Variants in AOAH observed in about 807,000 individuals in gnomAD.
The protein encoded by AOAH is acyloxyacyl hydrolase (neutrophil).
In AOAH, 64 loss-of-function variants were observed where a neutral mutation model predicts 92.2. The ratio of observed to expected loss-of-function variants is 0.69; its 90% CI spans 0.57 to 0.86. The LOEUF is 0.86. AOAH is among the 40% of genes least tolerant of loss of function. The pLI is 0.00. For synonymous variants in AOAH, 263 were observed against 254.5 expected (o/e 1.03, Z -0.32); for missense variants, 656 against 694.6 (o/e 0.94, Z 0.62).
At chr7:36,517,176 T>TTCTTTCTTTCTTTCTC (rs1783784295) in intron 20 of AOAH, among the ~76,000 whole-genome samples, 1 of 47,500 alleles carries the variant, frequency 2.1e-5, no homozygotes. Context: ...CTTTCTTTCT[T>TTCTTTCTTTCTTTCTC]TCTTTCTTTC....
At chr7:36,641,276 C>A (rs1461273896) in intron 4 of AOAH, among the ~76,000 whole-genome samples, 1 of 152,162 alleles carries the variant, frequency 6.6e-6, no homozygotes, top group African/African-American at 2.4e-5. Flanking sequence ...TTCTGGCCTT[C>A]AAAACTGGCA....
chr7:36,694,461 G>A (rs1225047945), intron 1 of AOAH, among the ~76,000 whole-genome samples: 1 of 152,182 alleles, frequency 6.6e-6, no homozygotes, highest in Admixed American at 6.5e-5. Context: ...TTGCACTCCA[G>A]TCTGGGTGAC....
intron 5 of AOAH, among the ~76,000 whole-genome samples, chr7:36,635,656 G>A (rs73687586): frequency 0.03 from 4,541 of 152,182 alleles, 228 homozygotes; most frequent in African/African-American, 0.1. Flanking sequence ...AGCCTGTGAC[G>A]TAAATGGTGC....
At chr7:36,657,173 G>A (rs978745275) in intron 4 of AOAH, among the ~76,000 whole-genome samples, 3 of 152,188 alleles carry the variant, frequency 2.0e-5, no homozygotes, top group African/African-American at 7.2e-5. Context: ...TCTGGTGGTA[G>A]GATTTCAGCT....
chr7:36,662,298 G>A (rs1164858710), intron 3 of AOAH, among the ~76,000 whole-genome samples: 1 of 152,210 alleles, frequency 6.6e-6, no homozygotes, highest in Non-Finnish European at 1.5e-5. Flanking sequence ...ACCCTTTTGT[G>A]AGCACCTGAG....
chr7:36,650,472 T>G (rs759048422), intron 4 of AOAH, among the ~76,000 whole-genome samples: 5 of 152,168 alleles, frequency 3.3e-5, no homozygotes, highest in African/African-American at 4.8e-5. Flanking sequence ...GAAGGGACAG[T>G]GCTTTCAGAC....
At chr7:36,530,359 C>T in intron 19 of AOAH, 59 bp downstream of exon 19, 2 of 1,258,130 alleles carry the variant, frequency 1.6e-6, no homozygotes, top group Non-Finnish European at 2.3e-6. Flanking sequence ...ACCAGTTGCC[C>T]AGGCCCTAAA....
At chr7:36,592,961 T>C (rs951411077) in intron 12 of AOAH, among the ~76,000 whole-genome samples, 2 of 152,236 alleles carry the variant, frequency 1.3e-5, no homozygotes, top group African/African-American at 4.8e-5. Flanking sequence ...AGATTATTTC[T>C]ATGTAAATAT....
chr7:36,657,451 T>G (rs1002536487), intron 4 of AOAH, among the ~76,000 whole-genome samples: 1 of 152,054 alleles, frequency 6.6e-6, no homozygotes, highest in Non-Finnish European at 1.5e-5. Flanking sequence ...CCAAAGTGAG[T>G]GCCCAGTCAA....
At chr7:36,615,884 T>C (rs1791837000) in intron 11 of AOAH, among the ~76,000 whole-genome samples, 1 of 151,986 alleles carries the variant, frequency 6.6e-6, no homozygotes, top group Non-Finnish European at 1.5e-5. Context: ...CCCTCTTCTT[T>C]TTTTTTTTTA....
chr7:36,546,785 T>C (rs917462185), intron 15 of AOAH, among the ~76,000 whole-genome samples: 1 of 152,178 alleles, frequency 6.6e-6, no homozygotes, highest in Non-Finnish European at 1.5e-5. Context: ...TTTGTTCTGT[T>C]TCGTGATGGC....
At chr7:36,653,800 T>C (rs570210290) in intron 4 of AOAH, among the ~76,000 whole-genome samples, 5 of 152,154 alleles carry the variant, frequency 3.3e-5, no homozygotes, top group Non-Finnish European at 7.4e-5. Flanking sequence ...ATGCAGCATG[T>C]TCCTCCAGCA....
chr7:36,710,719 G>T (rs1034607514), intron 1 of AOAH, among the ~76,000 whole-genome samples: 2 of 152,152 alleles, frequency 1.3e-5, no homozygotes, highest in Non-Finnish European at 2.9e-5. Context: ...CCCAAGATTT[G>T]AGAATTTCTA....
chr7:36,617,245 G>A (rs1384966578), intron 10 of AOAH, among the ~76,000 whole-genome samples: 2 of 152,180 alleles, frequency 1.3e-5, no homozygotes, highest in Non-Finnish European at 2.9e-5. Flanking sequence ...ACAGAAATGG[G>A]GACTGAGAAG....
At chr7:36,606,399 G>A (rs1337356083) in intron 11 of AOAH, among the ~76,000 whole-genome samples, 3 of 152,186 alleles carry the variant, frequency 2.0e-5, no homozygotes, top group Non-Finnish European at 4.4e-5. Context: ...CTAGATTAAG[G>A]ATTCATTTTG....
chr7:36,692,834 C>T (rs764873982), intron 1 of AOAH, among the ~76,000 whole-genome samples: 1 of 152,076 alleles, frequency 6.6e-6, no homozygotes, highest in African/African-American at 2.4e-5. Flanking sequence ...CCCAGAAACC[C>T]GTAAGTATTG....
intron 20 of AOAH, among the ~76,000 whole-genome samples, chr7:36,520,383 A>T (rs1784047685): frequency 6.6e-6 from 1 of 152,170 alleles, no homozygotes; most frequent in African/African-American, 2.4e-5. Context: ...CTGTGCAGAG[A>T]ATGATAAGAA....
At chr7:36,656,599 G>C (rs956849856) in intron 4 of AOAH, among the ~76,000 whole-genome samples, 1 of 151,968 alleles carries the variant, frequency 6.6e-6, no homozygotes, top group Non-Finnish European at 1.5e-5. Flanking sequence ...GGGTTTATAT[G>C]GGGGAGAGAG....
At chr7:36,573,973 T>G (rs1464904363) in intron 13 of AOAH, among the ~76,000 whole-genome samples, 1 of 152,130 alleles carries the variant, frequency 6.6e-6, no homozygotes, top group African/African-American at 2.4e-5. Flanking sequence ...TTTTCCTATA[T>G]CTAATAAAAA....
Sources: allele counts gnomAD v4.1 joint callset (sites outside exome capture counted in the v4.1 genomes callset), GRCh38; gene constraint gnomAD v4.1.1; transcripts MANE v1.5; gene names NCBI Gene and HGNC (gene_info 2026-07-23, HGNC 2026-07-21).